Variants in ZNF280D observed in about 807,000 individuals in gnomAD.
The protein encoded by ZNF280D is zinc finger protein 280D.
In ZNF280D, 39 loss-of-function variants were observed where a neutral mutation model predicts 94.7. That is an observed-to-expected ratio of 0.41 (90% confidence interval 0.32 to 0.54). The LOEUF (loss-of-function observed/expected upper bound fraction) is 0.54. Among genes scored for constraint, ZNF280D ranks in the 20% least tolerant of loss-of-function variants. ZNF280D has a pLI of 0.22. For missense variants in ZNF280D, 1,090 were observed against 1,149.3 expected (o/e 0.95, Z 0.75); for synonymous variants, 398 against 377.6 (o/e 1.05, Z -0.63).
intron 16 of ZNF280D, among the ~76,000 whole-genome samples, chr15:56,660,880 A>G (rs2053893923): frequency 6.6e-6 from 1 of 152,084 alleles, no homozygotes; most frequent in East Asian, 1.9e-4. Context: ...ACATAAAAGG[A>G]ACAATTTCCT....
At chr15:56,720,133 C>A (rs185161534) in intron 1 of ZNF280D, among the ~76,000 whole-genome samples, 149 of 152,284 alleles carry the variant, frequency 9.8e-4, no homozygotes, top group Non-Finnish European at 5.0e-4. Flanking sequence ...AGCATTTGAT[C>A]CACAGTAGAA....
chr15:56,689,338 G>C lies in ZNF280D; in HGVS notation c.632C>G (p.Ser211Cys). The C allele has an allele frequency of 6.2e-7, 1 of 1,608,300 alleles. No individual in the cohort carries two copies. The change falls in exon 8 of 22, where the codon TCT becomes TGT. Residue 211 changes from serine to cysteine, a missense_variant. Coordinates refer to ENST00000267807, the MANE Select transcript of ZNF280D (RefSeq NM_017661.4). ...AGCCTGGGAAGAAGTCACTGAAGGAGATTTAACTGAAGGTAATACAGCTGA... is the reference window on the plus strand; with the variant it reads ...AGCCTGGGAAGAAGTCACTGAAGGACATTTAACTGAAGGTAATACAGCTGA... ...NSSAVLPSVK[S>C]PSVTSSQAML...
chr15:56,727,890 A>C (rs1229589583), intron 1 of ZNF280D, among the ~76,000 whole-genome samples: 4 of 152,232 alleles, frequency 2.6e-5, no homozygotes, highest in African/African-American at 9.6e-5. Flanking sequence ...AAAAACAAAA[A>C]GGAAATACGG....
At chr15:56,641,473 G>T (rs1467349794) in intron 20 of ZNF280D, among the ~76,000 whole-genome samples, 1 of 151,854 alleles carries the variant, frequency 6.6e-6, no homozygotes, top group Non-Finnish European at 1.5e-5. Context: ...TGTGTGCAAA[G>T]TGTCTCAACT....
intron 19 of ZNF280D, 66 bp downstream of exon 19, chr15:56,654,132 C>T (rs1246062781): frequency 1.3e-6 from 2 of 1,558,398 alleles, no homozygotes; most frequent in Non-Finnish European, 1.7e-6. Context: ...ATTAATGATA[C>T]ATTTAAAAAT....
At chr15:56,675,043 T>C (rs796550714) in intron 13 of ZNF280D, among the ~76,000 whole-genome samples, 12 of 152,138 alleles carry the variant, frequency 7.9e-5, no homozygotes, top group African/African-American at 2.4e-4. Context: ...CCTTCAAAGA[T>C]GCCCAATGAT....
intron 16 of ZNF280D, among the ~76,000 whole-genome samples, chr15:56,663,756 T>C (rs1410429392): frequency 2.0e-5 from 3 of 152,140 alleles, no homozygotes; most frequent in Non-Finnish European, 4.4e-5. Context: ...ATGATAAATG[T>C]AGCTGGGCAT....
chr15:56,688,274 C>T (rs894915195), intron 9 of ZNF280D, among the ~76,000 whole-genome samples: 2 of 151,802 alleles, frequency 1.3e-5, no homozygotes, highest in Admixed American at 1.3e-4. Context: ...GGGCGGATCA[C>T]GAGGTCAGGA....
chr15:56,642,099 A>G (rs530414115), intron 20 of ZNF280D, among the ~76,000 whole-genome samples: 1 of 151,720 alleles, frequency 6.6e-6, no homozygotes, highest in Non-Finnish European at 1.5e-5. Context: ...TTCGAGTTCA[A>G]CATATTAGGT....
At chr15:56,674,653 T>G (rs2055093321) in intron 13 of ZNF280D, among the ~76,000 whole-genome samples, 1 of 152,036 alleles carries the variant, frequency 6.6e-6, no homozygotes, top group South Asian at 2.1e-4. Flanking sequence ...GAAATAATAA[T>G]ATACATCTAG....
At chr15:56,693,034 A>G (rs556381476) in intron 7 of ZNF280D, 64 bp downstream of exon 7, 213 of 933,880 alleles carry the variant, frequency 2.3e-4, no homozygotes, top group Non-Finnish European at 3.1e-4. Flanking sequence ...CAGAAAGTCA[A>G]TCTCATATGC....
chr15:56,669,508 C>A (rs1566958775), intron 13 of ZNF280D, among the ~76,000 whole-genome samples: 2 of 151,694 alleles, frequency 1.3e-5, no homozygotes, highest in East Asian at 3.9e-4. Flanking sequence ...TAGCCACTAG[C>A]CACATGTGGT....
intron 1 of ZNF280D, among the ~76,000 whole-genome samples, chr15:56,726,088 C>G (rs1388386814): frequency 6.6e-6 from 1 of 151,582 alleles, no homozygotes; most frequent in Non-Finnish European, 1.5e-5. Context: ...GAAGGTAAAG[C>G]TTGGAAGAAA....
chr15:56,707,539 A>AT (rs774769626), intron 1 of ZNF280D, among the ~76,000 whole-genome samples: 116 of 152,272 alleles, frequency 7.6e-4, no homozygotes, highest in East Asian at 3.1e-3. Flanking sequence ...ATTACAAATA[A>AT]TTTTTTAAAG....
At position 56,710,782 on chromosome 15, in the gene ZNF280D, C is replaced by G. The variant is rs2057717531; in HGVS notation, c.-85-3476G>C. The stretch of plus-strand genomic sequence containing the variant: ...GCTGCCGTGTTAAATAATATTAATA[C>G]TGCATGTGATCAAGTACAGAGCACA... On this transcript the variant is annotated intron_variant, in intron 1 of 21. Transcript: ENST00000267807. Among the ~76,000 whole-genome samples the G allele has an allele frequency of 2.0e-5, 3 of 152,160 alleles. No homozygotes were observed. The South Asian group carries it at 6.2e-4, about 32-fold the overall frequency.
chr15:56,687,577 T>C (rs2056113360), intron 9 of ZNF280D, among the ~76,000 whole-genome samples: 1 of 152,174 alleles, frequency 6.6e-6, no homozygotes, highest in Non-Finnish European at 1.5e-5. Flanking sequence ...ATTCTTCACA[T>C]GTATATCTTT....
chr15:56,715,086 TG>T (rs1306940830), intron 1 of ZNF280D, among the ~76,000 whole-genome samples: 1 of 152,104 alleles, frequency 6.6e-6, no homozygotes, highest in Admixed American at 6.5e-5. Context: ...AGCAAAATTT[TG>T]TGAATACTCA....
chr15:56,649,267 G>C (rs2140628991), intron 19 of ZNF280D, among the ~76,000 whole-genome samples: 1 of 152,172 alleles, frequency 6.6e-6, no homozygotes, highest in African/African-American at 2.4e-5. Flanking sequence ...AAAAATGGTA[G>C]TAACCTCAGA....
intron 9 of ZNF280D, among the ~76,000 whole-genome samples, chr15:56,685,341 A>AAAAC (rs2055927076): frequency 2.0e-5 from 3 of 150,438 alleles, no homozygotes; most frequent in South Asian, 4.2e-4. Flanking sequence ...CATAAGGTAA[A>AAAAC]AAAACAAAAC....
Sources: gnomAD v4.1 joint callset for allele counts (sites outside exome capture counted in the v4.1 genomes callset) on GRCh38, gnomAD v4.1.1 for gene constraint, MANE v1.5 for transcripts, NCBI Gene and HGNC (gene_info 2026-07-23, HGNC 2026-07-21) for gene names.